Variants in RBFOX3 observed in about 807,000 individuals in gnomAD.
RBFOX3 encodes RNA binding fox-1 homolog 3, also known as RNA binding protein fox-1 homolog 3.
RBFOX3 carries 17 observed loss-of-function variants against 48.7 expected under a neutral mutation model. The observed-to-expected ratio is 0.35, with a 90% CI of 0.24 to 0.52. RBFOX3 has a LOEUF of 0.52. RBFOX3 is among the 20% of genes least tolerant of loss of function. The probability of loss-of-function intolerance (pLI) is 0.94; values close to 1 mark genes in which losing one functional copy is unlikely to be tolerated. For missense variants in RBFOX3, 382 were observed against 497.5 expected (o/e 0.77, Z 2.21); for synonymous variants, 212 against 209.5 (o/e 1.01, Z -0.10).
rs2087876192 is a variant in RBFOX3, at chr17:79,532,130, GA to G, written c.-319-49533del. Among the ~76,000 whole-genome samples, 3 of 151,676 alleles carry G rather than the reference GA, an allele frequency of 2.0e-5. No individual in the cohort carries two copies. In the South Asian group the frequency reaches 6.2e-4, roughly 32 times the overall value. On this transcript the variant is annotated intron_variant, in intron 1 of 14. Transcript: ENST00000693108. ...CATTCCTTCTCAGGTGGCAGCGCCA[GA>G]ATTACCCTGGAACCTCTCACAAAGT... is the stretch of plus-strand genomic sequence containing the variant.
intron 4 of RBFOX3, among the ~76,000 whole-genome samples, chr17:79,133,059 A>C (rs2039356389): frequency 6.6e-6 from 1 of 152,146 alleles, no homozygotes; most frequent in Admixed American, 6.5e-5. Context: ...CTCAAACCCC[A>C]GCGTGGGGGT....
chr17:79,338,232 C>T (rs2081504342), intron 2 of RBFOX3, among the ~76,000 whole-genome samples: 1 of 152,150 alleles, frequency 6.6e-6, no homozygotes, highest in Non-Finnish European at 1.5e-5. Flanking sequence ...AGCCACCGCG[C>T]CTGGCCTTCT....
At chr17:79,578,228 G>A (rs892356852) in intron 1 of RBFOX3, among the ~76,000 whole-genome samples, 13 of 152,372 alleles carry the variant, frequency 8.5e-5, no homozygotes, top group Non-Finnish European at 7.4e-5. Context: ...AAAGCCCGGG[G>A]AAATCAGGAG....
rs1483136578 is a variant in RBFOX3 at position 79,195,329 on chromosome 17, G to C, written c.-34+40437C>G. On this transcript the variant is annotated intron_variant, in intron 4 of 14. Transcript: ENST00000693108. The surrounding 1 kb of genome is among the most constrained non-coding windows in gnomAD (Gnocchi z 5.3). Reference sequence around the variant, plus strand: ...AGACACGACAATCACTTGAACCCAGGAGGCAGAGGTTGCAGTGAGTTGACA... The same window carrying C: ...AGACACGACAATCACTTGAACCCAGCAGGCAGAGGTTGCAGTGAGTTGACA... Among the ~76,000 whole-genome samples the C allele has an allele frequency of 6.6e-6, 1 of 152,092 alleles. No individual in the cohort carries two copies. The highest frequency in any genetic ancestry group is 1.5e-5 in the Non-Finnish European group (1 of 68,022).
intron 2 of RBFOX3, among the ~76,000 whole-genome samples, chr17:79,478,693 A>G (rs1291245777): frequency 2.6e-5 from 4 of 152,344 alleles, no homozygotes; most frequent in Admixed American, 1.3e-4. Context: ...TTGGAGGAGC[A>G]GATGACCCTC....
At position 79,348,188 on chromosome 17, in the gene RBFOX3, G is replaced by C. The variant is rs1318270610; in HGVS notation, c.-174-40364C>G. Among the ~76,000 whole-genome samples the C allele has an allele frequency of 3.3e-5, 5 of 152,204 alleles. No homozygotes were observed. In the East Asian group the frequency reaches 9.6e-4, roughly 29 times the overall value. On this transcript the variant is annotated intron_variant, in intron 2 of 14. Coordinates refer to ENST00000693108, the MANE Select transcript of RBFOX3 (RefSeq NM_001350451.2). ...AGCGGGGAAGTGACTGCTGGGGTCA[G>C]GTGGGCTGCACCTGTTTTGCTTGGC...
chr17:79,529,001 G>C (rs1477932767), intron 1 of RBFOX3, among the ~76,000 whole-genome samples: 1 of 152,218 alleles, frequency 6.6e-6, no homozygotes, highest in Non-Finnish European at 1.5e-5. Flanking sequence ...TTAAGTAACT[G>C]TTCCCACATA....
chr17:79,487,122 G>A (rs2079725344), intron 1 of RBFOX3, among the ~76,000 whole-genome samples: 1 of 152,220 alleles, frequency 6.6e-6, no homozygotes. Context: ...CTGGGGATGA[G>A]GCATGTTCAC....
At chr17:79,615,740 G>A (rs2093991326), upstream of RBFOX3, among the ~76,000 whole-genome samples, 1 of 152,152 alleles carries the variant, frequency 6.6e-6, no homozygotes, top group Non-Finnish European at 1.5e-5. Flanking sequence ...GCATCAGGAG[G>A]TGGCCACAGG....
intron 14 of RBFOX3, among the ~76,000 whole-genome samples, chr17:79,093,791 C>CCACACACACACACA (rs60453390): frequency 2.2e-3 from 318 of 143,916 alleles, no homozygotes; most frequent in Non-Finnish European, 3.3e-3. Context: ...CAACAGCTGG[C>CCACACACACACACA]CACACACACA....
At chr17:79,626,189 C>G in the RBFOX3 span, among the ~76,000 whole-genome samples, 2 of 152,078 alleles carry the variant, frequency 1.3e-5, no homozygotes, top group Non-Finnish European at 2.9e-5. Context: ...AGGCCTCTGC[C>G]AAGGGTCAGG....
At chr17:79,651,625 C>CCTCTCT in the RBFOX3 span, among the ~76,000 whole-genome samples, 66 of 97,810 alleles carry the variant, frequency 6.7e-4, no homozygotes, top group Middle Eastern at 6.5e-3. Flanking sequence ...TGCCCCCTTT[C>CCTCTCT]CTCTCTCTCT....
intron 2 of RBFOX3, among the ~76,000 whole-genome samples, chr17:79,410,948 ACT>A (rs2064231177): frequency 6.6e-6 from 1 of 151,574 alleles, no homozygotes. Flanking sequence ...CACCCCTCCC[ACT>A]CTCTGCACCA....
At chr17:79,523,687 G>C (rs910322260) in intron 1 of RBFOX3, among the ~76,000 whole-genome samples, 19 of 152,226 alleles carry the variant, frequency 1.2e-4, no homozygotes, top group African/African-American at 3.4e-4. Context: ...ATTCCGGTGA[G>C]GGATAAGGCA....
intron 4 of RBFOX3, among the ~76,000 whole-genome samples, chr17:79,165,856 T>TA (rs2047888833): frequency 6.6e-6 from 1 of 152,120 alleles, no homozygotes; most frequent in Non-Finnish European, 1.5e-5. Flanking sequence ...CAGCAGCAGA[T>TA]ACCATGAGAC....
chr17:79,579,006 C>A (rs1029294017), intron 1 of RBFOX3, among the ~76,000 whole-genome samples: 1 of 152,226 alleles, frequency 6.6e-6, no homozygotes, highest in Non-Finnish European at 1.5e-5. Flanking sequence ...CCTCCTGCCC[C>A]CTCAACGTCC....
At chr17:79,641,360 T>G in the RBFOX3 span, among the ~76,000 whole-genome samples, 90 of 152,182 alleles carry the variant, frequency 5.9e-4, no homozygotes, top group Non-Finnish European at 8.2e-4. Flanking sequence ...TAGAAATGTA[T>G]GTTGGTACAG....
chr17:79,339,216 G>A (rs561365935), intron 2 of RBFOX3, among the ~76,000 whole-genome samples: 86 of 152,072 alleles, frequency 5.7e-4, no homozygotes, highest in African/African-American at 2.0e-3. Flanking sequence ...CACCACACTC[G>A]GATAATTTTT....
At chr17:79,231,264 A>G (rs977511477) in intron 4 of RBFOX3, among the ~76,000 whole-genome samples, 1 of 152,192 alleles carries the variant, frequency 6.6e-6, no homozygotes, top group African/African-American at 2.4e-5. Flanking sequence ...ACTGATCAGC[A>G]CAAGCTTTGG....
Sources: gnomAD v4.1 joint callset for allele counts (sites outside exome capture counted in the v4.1 genomes callset) on GRCh38, gnomAD v4.1.1 for gene constraint, Gnocchi (gnomAD v3.1) non-coding constraint, MANE v1.5 for transcripts, NCBI Gene and HGNC (gene_info 2026-07-23, HGNC 2026-07-21) for gene names.